The following IP6K2 variants were observed in gnomAD, a reference collection of about 807,000 sequenced individuals.
IP6K2 encodes the protein ATP:1D-myo-inositol-hexakisphosphate phosphotransferase.
In IP6K2, 9 loss-of-function variants were observed where a neutral mutation model predicts 43.3. The ratio of observed to expected loss-of-function variants is 0.21; its 90% CI spans 0.13 to 0.36. IP6K2 has a LOEUF of 0.36. Among genes scored for constraint, IP6K2 ranks in the 10% least tolerant of loss-of-function variants. The pLI is 1.00. For missense variants in IP6K2, 332 were observed against 538.4 expected, an observed-to-expected ratio of 0.62 and a Z score of 3.79; for synonymous variants, 209 against 202.4, an observed-to-expected ratio of 1.03 and a Z score of -0.28.
At chr3:48,691,623 C>T (rs1312229371) in intron 3 of IP6K2, 141 bp from the exon 4 acceptor site, 6 of 593,472 alleles carry the variant, frequency 1.0e-5, no homozygotes, top group Admixed American at 3.2e-5. Flanking sequence ...GGAGACCAGC[C>T]TGGCCAACAG....
At chr3:48,698,847 G>A (rs2078703255) in intron 1 of IP6K2, among the ~76,000 whole-genome samples, 1 of 152,166 alleles carries the variant, frequency 6.6e-6, no homozygotes, top group Non-Finnish European at 1.5e-5. Flanking sequence ...GCTGAAACAA[G>A]AGGATCACTT....
At position 48,690,852 on chromosome 3, in the gene IP6K2, A is replaced by G. The variant is rs75663125; in HGVS notation, c.604+455T>C. Reference sequence around the variant, plus strand: ...AAAAAGAAAAGAGAAAAGAAAACAAATATTTCCTTATGCACAGCTCATGTC... The same window carrying G: ...AAAAAGAAAAGAGAAAAGAAAACAAGTATTTCCTTATGCACAGCTCATGTC... On this transcript the variant is annotated intron_variant, in intron 4 of 5. Coordinates refer to ENST00000328631, the MANE Select transcript of IP6K2 (RefSeq NM_016291.4). Among the ~76,000 whole-genome samples the G allele has an allele frequency of 3.2e-4, 49 of 152,090 alleles. 2 individuals carry two copies. In the East Asian group the frequency reaches 8.7e-3, roughly 27 times the overall value.
intron 1 of IP6K2, chr3:48,708,291 T>A (rs866061187): frequency 8.5e-5 from 13 of 152,130 alleles, no homozygotes; most frequent in Middle Eastern, 3.4e-3. Flanking sequence ...AAAAGAAATA[T>A]GTTTATCAGA....
At chr3:48,693,996 AC>A in intron 2 of IP6K2, 4 of 1,392,506 alleles carry the variant, frequency 2.9e-6, no homozygotes, top group Admixed American at 3.5e-5. Flanking sequence ...CTTACAAACG[AC>A]TGGCTGAACA....
At position 48,695,563 on chromosome 3, in the gene IP6K2, G is replaced by GC; in HGVS notation, c.-130-143dup. The GC allele has an allele frequency of 2.6e-6, 3 of 1,138,524 alleles. No individual in the cohort carries two copies. The highest frequency in any genetic ancestry group is 3.4e-6 in the Non-Finnish European group (3 of 892,768). 70.5% of individuals were successfully genotyped at this position (1,138,524 alleles called of 1,614,324 possible). A position where few individuals can be genotyped will look rare whatever the true frequency, so the allele number is the denominator to read the frequency against. On this transcript the variant is annotated intron_variant, in intron 1 of 5. Coordinates refer to ENST00000328631, the MANE Select transcript of IP6K2 (RefSeq NM_016291.4). This position sits in a 1 kb window ranked among gnomAD's most constrained non-coding sequence, Gnocchi z 4.6. ...GACTCCGCCCATGCCACCCACCTTG[G>GC]CCCCCGCCTTCTCCGGCAGAAAAAC...
intron 5 of IP6K2, 109 bp downstream of exon 5, chr3:48,689,429 G>A: frequency 8.6e-7 from 1 of 1,160,350 alleles, no homozygotes; most frequent in Non-Finnish European, 1.2e-6. Flanking sequence ...TGGGATTACA[G>A]GTGTGAGCCA....
chr3:48,688,883 T>TA lies in IP6K2; in HGVS notation c.781-111dup. ...GCGGCATGTGACAGCCCAGATCAGA[T>TA]AAAGTACACCAGTTGCACATGAGCC... On this transcript the variant is annotated intron_variant, in intron 5 of 5. Transcript: ENST00000328631. This position sits in a 1 kb window ranked among gnomAD's most constrained non-coding sequence, Gnocchi z 5.1. 3.4e-6 allele frequency: 4 copies of TA among 1,168,056 alleles called. No individual in the cohort carries two copies. The highest frequency in any genetic ancestry group is 4.8e-6 in the Non-Finnish European group (4 of 832,222). 72.4% of individuals were successfully genotyped at this position (1,168,056 alleles called of 1,614,324 possible).
At chr3:48,698,708 ATTG>A (rs1184846400) in intron 1 of IP6K2, among the ~76,000 whole-genome samples, 11 of 151,830 alleles carry the variant, frequency 7.2e-5, no homozygotes, top group Non-Finnish European at 1.3e-4. Flanking sequence ...CCTGACCTTA[ATTG>A]ATCTGCCCGC....
At chr3:48,709,871 C>G (rs1407040387) in intron 1 of IP6K2, among the ~76,000 whole-genome samples, 1 of 151,632 alleles carries the variant, frequency 6.6e-6, no homozygotes, top group Admixed American at 6.6e-5. Context: ...AAAAAAAAGA[C>G]TGCACCAGTC....
chr3:48,712,018 G>C (rs1332711006), intron 1 of IP6K2, among the ~76,000 whole-genome samples: 1 of 152,030 alleles, frequency 6.6e-6, no homozygotes, highest in East Asian at 1.9e-4. Context: ...TAAACAAATG[G>C]GCATCAGAGT....
intron 5 of IP6K2, among the ~76,000 whole-genome samples, chr3:48,689,246 G>C (rs1349528298): frequency 1.3e-5 from 2 of 152,166 alleles, no homozygotes; most frequent in African/African-American, 2.4e-5. Flanking sequence ...TCTGCCTCCT[G>C]GGTTCAAGCT....
In IP6K2 at chr3:48,688,728, G is replaced by C. The variant is rs768689853; in HGVS notation, c.826C>G (p.His276Asp). 6.2e-7 allele frequency: 1 copy of C among 1,614,026 alleles called. No homozygotes were observed. The highest frequency in any genetic ancestry group is 1.1e-5 in the South Asian group (1 of 91,068). ...SGQLMFMNKY[H>D]GRKLSVQGFK... ...CCCTGCACCGATAGCTTCCGTCCAT[G>C]GTACTTGTTCATGAACATGAGCTGC... Residue 276 changes from histidine to aspartate, a missense_variant, in exon 6 of 6, where the codon CAT becomes GAT. Physicochemically the swap from His to Asp is moderately conservative, Grantham distance 81. Transcript: ENST00000328631. This position sits in a 1 kb window ranked among gnomAD's most constrained non-coding sequence, Gnocchi z 5.1.
chr3:48,692,547 G>C (rs1163600699), intron 3 of IP6K2, among the ~76,000 whole-genome samples: 1 of 152,226 alleles, frequency 6.6e-6, no homozygotes, highest in Non-Finnish European at 1.5e-5. Context: ...CACAAGCTTT[G>C]CCAAGGTGCA....
chr3:48,693,399 C>T, intron 2 of IP6K2: 6 of 1,236,534 alleles, frequency 4.9e-6, no homozygotes, highest in Non-Finnish European at 5.9e-6. Flanking sequence ...TGAGAGTCTT[C>T]CTCTCTGATG....
At chr3:48,712,116 A>T (rs1369949791) in intron 1 of IP6K2, among the ~76,000 whole-genome samples, 1 of 152,124 alleles carries the variant, frequency 6.6e-6, no homozygotes, top group African/African-American at 2.4e-5. Flanking sequence ...GATCTTTGCC[A>T]AATGCAGTGG....
chr3:48,701,397 T>TC (rs1343534367), intron 1 of IP6K2, among the ~76,000 whole-genome samples: 1 of 151,480 alleles, frequency 6.6e-6, no homozygotes, highest in Non-Finnish European at 1.5e-5. Context: ...CGAAACCCTG[T>TC]CTCTACTAAA....
At chr3:48,692,035 A>G (rs1322610890) in intron 3 of IP6K2, among the ~76,000 whole-genome samples, 1 of 152,000 alleles carries the variant, frequency 6.6e-6, no homozygotes, top group Non-Finnish European at 1.5e-5. Context: ...GTTTCATCAT[A>G]TTGGTCAGGC....
intron 1 of IP6K2, among the ~76,000 whole-genome samples, chr3:48,696,078 G>A (rs561637754): frequency 6.6e-6 from 1 of 151,662 alleles, no homozygotes; most frequent in Admixed American, 6.6e-5. Context: ...TAGAGACGGG[G>A]TTTCACCACG....
chr3:48,690,562 G>A (rs1466060455), intron 4 of IP6K2, among the ~76,000 whole-genome samples: 1 of 152,150 alleles, frequency 6.6e-6, no homozygotes, highest in Non-Finnish European at 1.5e-5. Context: ...GGCCAAAGCA[G>A]GTGGATCACC....
Sources: gnomAD v4.1 joint callset for allele counts (sites outside exome capture counted in the v4.1 genomes callset) on GRCh38, gnomAD v4.1.1 for gene constraint, Gnocchi (gnomAD v3.1) non-coding constraint, MANE v1.5 for transcripts, NCBI Gene and HGNC (gene_info 2026-07-23, HGNC 2026-07-21) for gene names.